SLC25A28: variants seen among roughly 807,000 people sequenced by gnomAD.
The protein encoded by SLC25A28 is solute carrier family 25 member 28, also known as mitoferrin-2.
Under a neutral mutation model 31.9 loss-of-function variants are expected in SLC25A28, and 10 were observed. That is an observed-to-expected ratio of 0.31 (90% CI 0.19 to 0.53). The LOEUF (loss-of-function observed/expected upper bound fraction) is 0.53, where lower values mean the gene tolerates loss of function less well. Ranked by LOEUF, SLC25A28 falls within the 20% of genes least tolerant of loss-of-function variation. SLC25A28 has a pLI of 0.95. For missense variants in SLC25A28, 256 were observed against 490.3 expected (o/e 0.52, Z 4.51); for synonymous variants, 208 against 203.6 (o/e 1.02, Z -0.19).
At chr10:99,620,548 A>T (rs2034768727), upstream of SLC25A28, 2 of 1,023,742 alleles carry the variant, frequency 2.0e-6, no homozygotes, top group Non-Finnish European at 2.3e-6. Context: ...ATCAGCCGGT[A>T]GTATTAGCGA....
the SLC25A28 span, among the ~76,000 whole-genome samples, chr10:99,644,280 T>G: frequency 2.7e-5 from 4 of 150,768 alleles, no homozygotes; most frequent in East Asian, 5.8e-4. Flanking sequence ...TTTAGGATAG[T>G]TAGCTCTTCT....
chr10:99,638,779 A>C, the SLC25A28 span, among the ~76,000 whole-genome samples: 1 of 152,174 alleles, frequency 6.6e-6, no homozygotes, highest in Non-Finnish European at 1.5e-5. Flanking sequence ...CAAAAAATTA[A>C]AAAACAGTAG....
the SLC25A28 span, among the ~76,000 whole-genome samples, chr10:99,642,429 C>T: frequency 8.5e-5 from 13 of 152,294 alleles, no homozygotes; most frequent in East Asian, 2.5e-3. Flanking sequence ...TATCCTGACA[C>T]TTTGCTGAAG....
chr10:99,655,919 G>C, the SLC25A28 span, among the ~76,000 whole-genome samples: 2,174 of 152,274 alleles, frequency 0.014, 60 homozygotes, highest in African/African-American at 0.049. Flanking sequence ...CCTACTTCTA[G>C]AATAGGCTAT....
chr10:99,638,502 A>T, the SLC25A28 span, among the ~76,000 whole-genome samples: 1 of 152,230 alleles, frequency 6.6e-6, no homozygotes, highest in Admixed American at 6.5e-5. Flanking sequence ...AGTAAACAGC[A>T]ACCCACAGAG....
the SLC25A28 span, among the ~76,000 whole-genome samples, chr10:99,637,660 A>C: frequency 1.3e-5 from 2 of 152,218 alleles, no homozygotes; most frequent in African/African-American, 4.8e-5. Context: ...TGGAGAATCA[A>C]ATCAGGAACT....
At chr10:99,632,844 T>A in the SLC25A28 span, among the ~76,000 whole-genome samples, 7 of 152,358 alleles carry the variant, frequency 4.6e-5, no homozygotes, top group African/African-American at 1.4e-4. Flanking sequence ...CTAGGTCATA[T>A]GTGACCTTAG....
the SLC25A28 span, among the ~76,000 whole-genome samples, chr10:99,642,706 C>G: frequency 6.6e-6 from 1 of 152,106 alleles, no homozygotes. Flanking sequence ...GTGGGTCTGT[C>G]AAAAATAGCT....
At chr10:99,618,574 T>A in intron 1 of SLC25A28, 5 of 985,408 alleles carry the variant, frequency 5.1e-6, no homozygotes, top group Non-Finnish European at 6.0e-6. Flanking sequence ...GTTTTACATT[T>A]CAATGTTGTT....
the SLC25A28 span, among the ~76,000 whole-genome samples, chr10:99,659,067 G>A: frequency 6.6e-6 from 1 of 152,234 alleles, no homozygotes; most frequent in African/African-American, 2.4e-5. The surrounding 1 kb of genome is among the most constrained non-coding windows in gnomAD (Gnocchi z 4.1). Flanking sequence ...CTGGTAGGGA[G>A]GGTCAGTGGG....
At chr10:99,620,552 T>G, upstream of SLC25A28, 3 of 1,022,976 alleles carry the variant, frequency 2.9e-6, no homozygotes, top group South Asian at 9.2e-5. Context: ...GCCGGTAGTA[T>G]TAGCGAAGTC....
At chr10:99,641,782 T>C in the SLC25A28 span, among the ~76,000 whole-genome samples, 2 of 152,260 alleles carry the variant, frequency 1.3e-5, no homozygotes, top group Non-Finnish European at 2.9e-5. Context: ...GCTTTCTCCA[T>C]ATGGCTAGCC....
At chr10:99,628,120 T>C in the SLC25A28 span, among the ~76,000 whole-genome samples, 1 of 152,216 alleles carries the variant, frequency 6.6e-6, no homozygotes, top group Non-Finnish European at 1.5e-5. Flanking sequence ...CCTTATTTCA[T>C]TTAAGTGGCA....
At chr10:99,622,593 C>A, upstream of SLC25A28, 1 of 949,636 alleles carries the variant, frequency 1.1e-6, no homozygotes, top group Non-Finnish European at 1.3e-6. Flanking sequence ...TTTTCCTATT[C>A]CCGTTTTTCT....
At chr10:99,629,866 AT>A in the SLC25A28 span, among the ~76,000 whole-genome samples, 3 of 152,186 alleles carry the variant, frequency 2.0e-5, no homozygotes, top group African/African-American at 7.2e-5. Context: ...ATGCCACTGA[AT>A]AGTCCACTTT....
chr10:99,616,615 A>G lies in SLC25A28; in HGVS notation c.292-2691T>C, dbSNP rs1232015242. ...TTCCTTTTAAAGTTTCTCTGTGGCTATAATGATTTACATGTCCCACTATTA... is the reference window on the plus strand; with the variant it reads ...TTCCTTTTAAAGTTTCTCTGTGGCTGTAATGATTTACATGTCCCACTATTA... On this transcript the variant is annotated intron_variant, in intron 1 of 3. Transcript: ENST00000370495. 1.0e-5 allele frequency: 10 copies of G among 985,270 alleles called. No individual in the cohort carries two copies. In the African/African-American group the frequency reaches 1.7e-4, roughly 17 times the overall value. The allele number at this position is 985,270 out of a possible 1,614,324, so 61.0% of individuals were successfully genotyped here.
chr10:99,616,566 A>C (rs1462341602), intron 1 of SLC25A28: 1 of 985,252 alleles, frequency 1.0e-6, no homozygotes, highest in Non-Finnish European at 1.2e-6. Flanking sequence ...CCAATAAATC[A>C]GGGTTAATTT....
chr10:99,612,505 G>T (rs2034551095), intron 3 of SLC25A28, 38 bp downstream of exon 3: 1 of 1,607,014 alleles, frequency 6.2e-7, no homozygotes. Context: ...AAATACAGGT[G>T]CAGCTGCCCA....
the SLC25A28 span, among the ~76,000 whole-genome samples, chr10:99,626,940 T>C: frequency 6.6e-6 from 1 of 152,116 alleles, no homozygotes; most frequent in African/African-American, 2.4e-5. Context: ...CTTTGTATTT[T>C]TTTAAAAAAA....
Sources: gnomAD v4.1 joint callset for allele counts (sites outside exome capture counted in the v4.1 genomes callset) on GRCh38, gnomAD v4.1.1 for gene constraint, Gnocchi (gnomAD v3.1) non-coding constraint, MANE v1.5 for transcripts, NCBI Gene and HGNC (gene_info 2026-07-23, HGNC 2026-07-21) for gene names.